PCDH7: variants seen among roughly 807,000 people sequenced by gnomAD.
The protein encoded by PCDH7 is protocadherin-7.
A neutral mutation model predicts 58.9 loss-of-function variants in PCDH7; 17 were observed. The ratio of observed to expected loss-of-function variants is 0.29; its 90% CI spans 0.20 to 0.43. The LOEUF (loss-of-function observed/expected upper bound fraction) is 0.43. PCDH7 is among the 20% of genes least tolerant of loss of function. The pLI, the probability that PCDH7 is intolerant of heterozygous loss-of-function variation, is 1.00. For missense variants in PCDH7, 1,274 were observed against 1,441.0 expected, an observed-to-expected ratio of 0.88 and a Z score of 1.88; for synonymous variants, 664 against 616.4, an observed-to-expected ratio of 1.08 and a Z score of -1.14.
intron 3 of PCDH7, among the ~76,000 whole-genome samples, chr4:31,090,240 GA>G (rs946634324): frequency 1.3e-3 from 195 of 151,422 alleles, no homozygotes; most frequent in Non-Finnish European, 1.7e-3. Context: ...AAGACTTTAT[GA>G]AAAAAAAGGA....
At chr4:31,092,960 A>T (rs936067913) in intron 3 of PCDH7, among the ~76,000 whole-genome samples, 1 of 152,016 alleles carries the variant, frequency 6.6e-6, no homozygotes, top group African/African-American at 2.4e-5. Context: ...GCATTCTGTC[A>T]TTTATCTTGT....
chr4:31,048,870 C>T (rs1756506768), intron 3 of PCDH7, among the ~76,000 whole-genome samples: 1 of 152,048 alleles, frequency 6.6e-6, no homozygotes, highest in African/African-American at 2.4e-5. Flanking sequence ...CATAGCAGAG[C>T]TCCACAATGT....
At chr4:31,079,132 T>G (rs1759256981) in intron 3 of PCDH7, among the ~76,000 whole-genome samples, 1 of 151,262 alleles carries the variant, frequency 6.6e-6, no homozygotes, top group African/African-American at 2.4e-5. Context: ...CAGTATCACC[T>G]CAAGAATGAG....
chr4:31,026,365 A>G (rs907759636), intron 3 of PCDH7, among the ~76,000 whole-genome samples: 2 of 152,228 alleles, frequency 1.3e-5, no homozygotes, highest in African/African-American at 2.4e-5. Flanking sequence ...TCCCGAGGCT[A>G]TGATCTGATC....
At chr4:30,832,590 G>GA (rs912855749) in intron 1 of PCDH7, among the ~76,000 whole-genome samples, 1 of 151,984 alleles carries the variant, frequency 6.6e-6, no homozygotes, top group Non-Finnish European at 1.5e-5. Flanking sequence ...ATGTTGTTAG[G>GA]AAAAAAATAG....
At chr4:31,100,352 C>T (rs1163361904) in intron 3 of PCDH7, among the ~76,000 whole-genome samples, 2 of 152,222 alleles carry the variant, frequency 1.3e-5, no homozygotes, top group East Asian at 3.9e-4. Context: ...AGAATGACCA[C>T]ATATTTCTGT....
chr4:30,786,233 T>C (rs941701030), intron 1 of PCDH7, among the ~76,000 whole-genome samples: 2 of 152,058 alleles, frequency 1.3e-5, no homozygotes, highest in African/African-American at 2.4e-5. Flanking sequence ...TATCTAATGA[T>C]TGCATTAAGA....
intron 1 of PCDH7, among the ~76,000 whole-genome samples, chr4:30,808,815 G>A (rs924714442): frequency 1.7e-4 from 26 of 152,056 alleles, no homozygotes; most frequent in African/African-American, 5.3e-4. Context: ...TTTTACAAAC[G>A]TTTTTGTATT....
At chr4:30,897,877 A>G (rs1739656182) in intron 1 of PCDH7, among the ~76,000 whole-genome samples, 3 of 152,190 alleles carry the variant, frequency 2.0e-5, no homozygotes, top group Admixed American at 6.6e-5. Context: ...AACTAGTACA[A>G]TATATATGAT....
intron 2 of PCDH7, among the ~76,000 whole-genome samples, chr4:30,938,882 T>C (rs1397088624): frequency 2.0e-5 from 3 of 152,172 alleles, no homozygotes; most frequent in African/African-American, 7.2e-5. Flanking sequence ...CTTAAGATTT[T>C]AGTTTCCTAA....
At chr4:30,790,130 A>G (rs1723924583) in intron 1 of PCDH7, among the ~76,000 whole-genome samples, 1 of 152,204 alleles carries the variant, frequency 6.6e-6, no homozygotes, top group South Asian at 2.1e-4. Flanking sequence ...ATTTTTTTGA[A>G]TGCTATTATT....
intron 3 of PCDH7, among the ~76,000 whole-genome samples, chr4:31,018,146 T>C (rs573648305): frequency 6.6e-6 from 1 of 152,300 alleles, no homozygotes; most frequent in East Asian, 1.9e-4. Context: ...TATCAGCATG[T>C]GGTGATTGAC....
intron 3 of PCDH7, among the ~76,000 whole-genome samples, chr4:31,046,176 G>A (rs1756267816): frequency 1.3e-5 from 2 of 151,902 alleles, no homozygotes; most frequent in African/African-American, 4.8e-5. Context: ...AAATAGTCCA[G>A]TCTAGGCCTG....
At chr4:31,035,247 C>CTTTTTTTTTT (rs35099580) in intron 3 of PCDH7, among the ~76,000 whole-genome samples, 9 of 99,376 alleles carry the variant, frequency 9.1e-5, no homozygotes, top group East Asian at 3.6e-4. Context: ...CCTTTTTTCC[C>CTTTTTTTTTT]TTTTTTTTTT....
intron 3 of PCDH7, among the ~76,000 whole-genome samples, chr4:31,009,116 G>A (rs554479166): frequency 2.6e-5 from 4 of 151,994 alleles, no homozygotes; most frequent in Non-Finnish European, 5.9e-5. Flanking sequence ...ATAACACTTG[G>A]TCTGCGTAAT....
rs1715372939 is a variant in PCDH7, at chr4:30,730,750, C to T, written c.3175-3C>T. ...GCATAAATCTTTATTTTCCTTCTTT[C>T]AGATGCGTCTACATCCATACATTAC... is the stretch of plus-strand genomic sequence containing the variant. On this transcript the variant is annotated splice_region_variant and splice_polypyrimidine_tract_variant and intron_variant, in intron 1 of 1. Transcript: ENST00000361762. The T allele has an allele frequency of 2.5e-6, 4 of 1,589,754 alleles. No individual in the cohort carries two copies. In the South Asian group the frequency reaches 4.6e-5, roughly 18 times the overall value.
intron 3 of PCDH7, among the ~76,000 whole-genome samples, chr4:31,074,198 C>A (rs1758783965): frequency 6.6e-6 from 1 of 151,398 alleles, no homozygotes. Context: ...TCCCATTTAT[C>A]TTCTTACTTA....
chr4:30,960,000 G>A (rs61795889), intron 3 of PCDH7, among the ~76,000 whole-genome samples: 59,620 of 151,210 alleles, frequency 0.39, 13,865 homozygotes, highest in African/African-American at 0.66. Flanking sequence ...TTTCTCACCT[G>A]TGAAATTATA....
At chr4:30,978,004 A>G (rs1750228771) in intron 3 of PCDH7, among the ~76,000 whole-genome samples, 1 of 152,092 alleles carries the variant, frequency 6.6e-6, no homozygotes, top group South Asian at 2.1e-4. Flanking sequence ...TTTTTCTTCC[A>G]TACTCTGAAT....
Sources: allele counts gnomAD v4.1 joint callset (sites outside exome capture counted in the v4.1 genomes callset), GRCh38; gene constraint gnomAD v4.1.1; transcripts MANE v1.5; gene names NCBI Gene and HGNC (gene_info 2026-07-23, HGNC 2026-07-21).